NOX3: variants seen among roughly 807,000 people sequenced by gnomAD.
NOX3 encodes NADPH oxidase catalytic subunit-like 3.
Under a neutral mutation model 76.7 loss-of-function variants are expected in NOX3, and 74 were observed. That is an observed-to-expected ratio of 0.96 (90% confidence interval 0.80 to 1.17). NOX3 has a LOEUF of 1.17. Among genes scored for constraint, NOX3 ranks in the 50% most tolerant of loss-of-function variants. NOX3 has a pLI of 0.00. For synonymous variants in NOX3, 263 were observed against 261.1 expected (o/e 1.01, Z -0.07); for missense variants, 695 against 703.3 (o/e 0.99, Z 0.13).
intron 12 of NOX3, among the ~76,000 whole-genome samples, chr6:155,403,003 AG>A (rs1779254816): frequency 6.6e-6 from 1 of 152,228 alleles, no homozygotes; most frequent in African/African-American, 2.4e-5. Context: ...TGACATAATA[AG>A]GGGAAAACAT....
At chr6:155,443,533 A>G in intron 4 of NOX3, 115 bp from the exon 5 acceptor site, 1 of 1,254,040 alleles carries the variant, frequency 8.0e-7, no homozygotes, top group Non-Finnish European at 1.1e-6. Flanking sequence ...TGTAATCTCC[A>G]AGGAAAAGTG....
At chr6:155,404,996 C>T (rs937143507) in intron 12 of NOX3, among the ~76,000 whole-genome samples, 1 of 151,942 alleles carries the variant, frequency 6.6e-6, no homozygotes, top group Non-Finnish European at 1.5e-5. Context: ...CTTTCTGGTA[C>T]AGAAAGAGTG....
chr6:155,396,596 T>C (rs1189704679), intron 13 of NOX3, among the ~76,000 whole-genome samples: 1 of 152,196 alleles, frequency 6.6e-6, no homozygotes, highest in African/African-American at 2.4e-5. Context: ...TTATATGAAA[T>C]GTGACTTCAG....
At chr6:155,440,451 T>C (rs1217148722) in intron 5 of NOX3, among the ~76,000 whole-genome samples, 1 of 151,496 alleles carries the variant, frequency 6.6e-6, no homozygotes, top group Admixed American at 6.6e-5. Context: ...ATCAAAGTTA[T>C]TATACTGGAA....
At chr6:155,436,331 T>C (rs999464502) in intron 7 of NOX3, 87 bp downstream of exon 7, 2 of 1,474,548 alleles carry the variant, frequency 1.4e-6, no homozygotes, top group South Asian at 1.2e-5. Flanking sequence ...AGTGGTGAAA[T>C]GTGCTTTCTT....
intron 9 of NOX3, among the ~76,000 whole-genome samples, chr6:155,424,355 T>C (rs570120817): frequency 1.3e-5 from 2 of 152,360 alleles, no homozygotes; most frequent in East Asian, 3.9e-4. Flanking sequence ...AGTTGTTCAA[T>C]AACAATTGGT....
chr6:155,400,599 C>G (rs778872012), intron 12 of NOX3, among the ~76,000 whole-genome samples: 1 of 151,028 alleles, frequency 6.6e-6, no homozygotes, highest in Non-Finnish European at 1.5e-5. Context: ...TTGTACAACA[C>G]CTTCTTTTTT....
Position 155,396,959 on chromosome 6 carries a change from G to A in NOX3, c.1584C>T (p.Ser528=). ...GTCCACAGAAGAACACGCCAATACT[G>A]CTGCTGCAGTAGGGGTAAGAAAAGG... ...FKQIAYNHPS[S]SIGVFFCGPK... The change falls in exon 13 of 14, where the codon AGC becomes AGT. Residue 528 remains serine (S), a synonymous_variant. Transcript: ENST00000159060. The A allele has an allele frequency of 1.9e-6, 3 of 1,606,206 alleles. No individual in the cohort carries two copies. Among genetic ancestry groups the A allele is most frequent in the African/African-American group, 1.3e-5 (1 of 74,670 alleles).
At chr6:155,411,191 T>A (rs780000190) in intron 11 of NOX3, 23 bp downstream of exon 11, 4 of 1,608,478 alleles carry the variant, frequency 2.5e-6, no homozygotes, top group Non-Finnish European at 3.4e-6. Flanking sequence ...CAATATTGCT[T>A]ATTCTCAGAG....
chr6:155,423,107 C>G (rs935267572), intron 9 of NOX3, among the ~76,000 whole-genome samples: 1 of 152,162 alleles, frequency 6.6e-6, no homozygotes, highest in Non-Finnish European at 1.5e-5. Flanking sequence ...TGACATCTCT[C>G]GCTATAGCTC....
At chr6:155,419,329 A>G (rs1776659827) in intron 10 of NOX3, among the ~76,000 whole-genome samples, 1 of 152,186 alleles carries the variant, frequency 6.6e-6, no homozygotes, top group African/African-American at 2.4e-5. Context: ...CACTTCTTCC[A>G]TGAAAGAACT....
At chr6:155,402,044 G>A (rs1223155496) in intron 12 of NOX3, among the ~76,000 whole-genome samples, 1 of 152,130 alleles carries the variant, frequency 6.6e-6, no homozygotes, top group African/African-American at 2.4e-5. Flanking sequence ...AAAGTAACTA[G>A]ATGTGACAAC....
chr6:155,410,427 A>G (rs1343579331), intron 11 of NOX3, among the ~76,000 whole-genome samples: 2 of 152,234 alleles, frequency 1.3e-5, no homozygotes, highest in East Asian at 3.8e-4. Flanking sequence ...TTAAAAGTAT[A>G]TATCAATAAT....
At position 155,428,971 on chromosome 6, in the gene NOX3, A is replaced by T. The variant is rs763098589; in HGVS notation, c.968T>A (p.Ile323Asn). Residue 323 changes from isoleucine (I) to asparagine (N), a missense_variant, in exon 9 of 14, where the codon ATC (isoleucine) becomes AAC (asparagine). Physicochemically the swap from Ile to Asn is moderately radical, Grantham distance 149. Transcript: ENST00000159060. The part of the protein sequence containing the change: ...RGFKMAPGQY[I>N]LVQCPAISSL... The stretch of plus-strand genomic sequence containing the variant: ...AGATATGGCTGGGCACTGCACCAAG[A>T]TGTACTGCCCTGGCGCCATTTTAAA... 6.2e-7 allele frequency: 1 copy of T among 1,613,944 alleles called. No homozygotes were observed. Among genetic ancestry groups the T allele is most frequent in the Admixed American group, 1.7e-5 (1 of 60,024 alleles).
chr6:155,446,666 T>G (rs935177805), intron 4 of NOX3, among the ~76,000 whole-genome samples: 10 of 152,200 alleles, frequency 6.6e-5, no homozygotes, highest in Non-Finnish European at 1.0e-4. Flanking sequence ...AAAACTAGTT[T>G]TTTCTATGGG....
At chr6:155,437,549 C>T (rs1562468848) in intron 6 of NOX3, among the ~76,000 whole-genome samples, 1 of 152,172 alleles carries the variant, frequency 6.6e-6, no homozygotes, top group Non-Finnish European at 1.5e-5. Context: ...TTATGGAAGC[C>T]ATCCAAACTT....
chr6:155,412,515 A>G (rs562109073), intron 10 of NOX3, among the ~76,000 whole-genome samples: 2 of 152,188 alleles, frequency 1.3e-5, no homozygotes, highest in South Asian at 2.1e-4. Flanking sequence ...CTGGGCCCAC[A>G]TATTTGTTGG....
chr6:155,426,985 G>GTGTGCGTGTGTGTA (rs1776763414), intron 9 of NOX3, among the ~76,000 whole-genome samples: 1 of 29,136 alleles, frequency 3.4e-5, no homozygotes, highest in African/African-American at 1.7e-4. Flanking sequence ...ACACTGTGGC[G>GTGTGCGTGTGTGTA]TGTGTGTGTG....
intron 11 of NOX3, among the ~76,000 whole-genome samples, chr6:155,408,492 C>T (rs1214481077): frequency 6.6e-6 from 1 of 152,102 alleles, no homozygotes; most frequent in Non-Finnish European, 1.5e-5. Context: ...GCCCCAGGTT[C>T]CCACTGTAAG....
Sources: allele counts gnomAD v4.1 joint callset (sites outside exome capture counted in the v4.1 genomes callset), GRCh38; gene constraint gnomAD v4.1.1; transcripts MANE v1.5; gene names NCBI Gene and HGNC (gene_info 2026-07-23, HGNC 2026-07-21).